Variants in SERP2 observed in about 807,000 individuals in gnomAD.
SERP2 encodes the protein stress-associated endoplasmic reticulum protein 2.
In SERP2, 6 loss-of-function variants were observed where a neutral mutation model predicts 9.1. The ratio of observed to expected loss-of-function variants is 0.66; its 90% CI spans 0.36 to 1.30. The LOEUF (loss-of-function observed/expected upper bound fraction) is 1.30, where lower values mean the gene tolerates loss of function less well. Ranked by LOEUF, SERP2 falls within the 50% of genes most tolerant of loss-of-function variation. SERP2 has a pLI of 0.03. For synonymous variants in SERP2, 37 were observed against 27.3 expected (o/e 1.35, Z -1.10); for missense variants, 58 against 81.9 (o/e 0.71, Z 1.13).
intron 2 of SERP2, chr13:44,395,936 C>T (rs149428408): frequency 4.5e-6 from 2 of 440,816 alleles, no homozygotes; most frequent in African/African-American, 4.0e-5. Context: ...GTGCAGCTGA[C>T]CAGAAGCATT....
At chr13:44,393,260 T>A (rs989746551) in intron 2 of SERP2, among the ~76,000 whole-genome samples, 5 of 152,060 alleles carry the variant, frequency 3.3e-5, no homozygotes, top group Non-Finnish European at 5.9e-5. Flanking sequence ...GAAATGGTTG[T>A]GAAGAGGAAG....
rs565690051 is a variant in SERP2, at chr13:44,390,434, A to C, written c.158-6838A>C. 1.1e-3 allele frequency: 517 copies of C among 456,234 alleles called. 1 individual carries two copies. The highest frequency in any genetic ancestry group is 9.7e-4 in the Non-Finnish European group (221 of 226,860). 28.3% of individuals were successfully genotyped at this position (456,234 alleles called of 1,614,324 possible). On this transcript the variant is annotated intron_variant, in intron 2 of 2. Coordinates refer to ENST00000379179, the MANE Select transcript of SERP2 (RefSeq NM_001010897.3). The stretch of plus-strand genomic sequence containing the variant: ...TGTAACATCCAGAGGGAGTCACCCC[A>C]CCCCCAAGACCGGCAACTGAGATGT...
intron 2 of SERP2, among the ~76,000 whole-genome samples, chr13:44,385,598 G>A (rs949434990): frequency 2.0e-5 from 3 of 152,162 alleles, no homozygotes; most frequent in Admixed American, 2.0e-4. Flanking sequence ...TTAGGCAAGG[G>A]ACTGCTTTGA....
intron 1 of SERP2, among the ~76,000 whole-genome samples, chr13:44,377,714 A>G (rs1220665722): frequency 6.6e-6 from 1 of 152,268 alleles, no homozygotes; most frequent in Non-Finnish European, 1.5e-5. Flanking sequence ...GGAGAGATAC[A>G]GGGATAATCC....
intron 2 of SERP2, among the ~76,000 whole-genome samples, chr13:44,384,085 C>G (rs1401667917): frequency 6.6e-6 from 1 of 151,874 alleles, no homozygotes; most frequent in African/African-American, 2.4e-5. Context: ...TTTTTGCAAG[C>G]CTCAGCTCAA....
chr13:44,379,573 T>C, intron 1 of SERP2, 68 bp from the exon 2 acceptor site: 1 of 1,209,450 alleles, frequency 8.3e-7, no homozygotes, highest in Non-Finnish European at 1.2e-6. Flanking sequence ...GCACAATGCC[T>C]AGTGATACTC....
chr13:44,385,727 G>T (rs996468620), intron 2 of SERP2, among the ~76,000 whole-genome samples: 1 of 152,130 alleles, frequency 6.6e-6, no homozygotes, highest in African/African-American at 2.4e-5. Context: ...CTTGGACAAG[G>T]TATTTACTCT....
chr13:44,378,606 G>A (rs936615757), intron 1 of SERP2, among the ~76,000 whole-genome samples: 1 of 151,656 alleles, frequency 6.6e-6, no homozygotes, highest in Non-Finnish European at 1.5e-5. Context: ...ATTCTTTAAC[G>A]TGTGTTGAAT....
At position 44,373,940 on chromosome 13, in the gene SERP2, G is replaced by T; in HGVS notation, c.-86G>T. The T allele has an allele frequency of 1.6e-6, 2 of 1,281,424 alleles. No homozygotes were observed. Among genetic ancestry groups the T allele is most frequent in the South Asian group, 1.3e-5 (1 of 76,614 alleles). The allele number at this position is 1,281,424 out of a possible 1,614,324, so 79.4% of individuals were successfully genotyped here. On this transcript the variant is annotated 5_prime_UTR_variant, in exon 1 of 3. Coordinates refer to ENST00000379179, the MANE Select transcript of SERP2 (RefSeq NM_001010897.3). This position sits in a 1 kb window ranked among gnomAD's most constrained non-coding sequence, Gnocchi z 4.8. ...TGCAGCGCCCGGGTGGGCCGCGGGG[G>T]CCTCGGCGGGACGCGCTCGGCCCTG...
rs867374107 is a variant in SERP2 at position 44,388,152 on chromosome 13, T to A, written c.157+8439T>A. ...GTGGTTTTTGGTCTTTTTTTTTTTT[T>A]AAGCTGCAGAACTTTGTTCAAATCT... On this transcript the variant is annotated intron_variant, in intron 2 of 2. Coordinates refer to ENST00000379179, the MANE Select transcript of SERP2 (RefSeq NM_001010897.3). Among the ~76,000 whole-genome samples the A allele has an allele frequency of 9.7e-3, 1,364 of 141,276 alleles. 24 individuals carry two copies. The highest frequency in any genetic ancestry group is 0.034 in the African/African-American group (1,288 of 38,020). The allele number at this position is 141,276 out of a possible 152,430, so 92.7% of individuals were successfully genotyped here.
chr13:44,374,163 G>GGGGGGGGGGGC, intron 1 of SERP2, 54 bp downstream of exon 1: 1 of 519,196 alleles, frequency 1.9e-6, no homozygotes, highest in Non-Finnish European at 3.1e-6. Flanking sequence ...GCGGGGTGGG[G>GGGGGGGGGGGC]CGGAAGGTGG....
At chr13:44,390,747 C>CT (rs1872697975) in intron 2 of SERP2, 2 of 160,024 alleles carry the variant, frequency 1.2e-5, no homozygotes, top group African/African-American at 2.4e-5. Context: ...CGGCATCTCT[C>CT]TTTTTTCCCT....
intron 2 of SERP2, among the ~76,000 whole-genome samples, chr13:44,389,930 C>T (rs978754874): frequency 2.0e-5 from 3 of 152,228 alleles, no homozygotes; most frequent in Non-Finnish European, 4.4e-5. Flanking sequence ...CCATTACACT[C>T]ATTTTTCCAA....
intron 2 of SERP2, 41 bp downstream of exon 2, chr13:44,379,754 T>C (rs746019657): frequency 7.1e-7 from 1 of 1,410,316 alleles, no homozygotes; most frequent in Non-Finnish European, 9.8e-7. Context: ...TGTTCTCCAC[T>C]GGCCTTTGAA....
At chr13:44,382,723 T>C (rs913025239) in intron 2 of SERP2, among the ~76,000 whole-genome samples, 5 of 152,162 alleles carry the variant, frequency 3.3e-5, no homozygotes, top group African/African-American at 1.2e-4. Flanking sequence ...CTCTTTCAGG[T>C]TGACTTTGAG....
intron 2 of SERP2, among the ~76,000 whole-genome samples, chr13:44,383,738 T>C (rs1045281440): frequency 6.7e-6 from 1 of 149,278 alleles, no homozygotes; most frequent in Non-Finnish European, 1.5e-5. Context: ...TTTTTAGTAG[T>C]GACGGGGTTT....
At chr13:44,380,491 C>T (rs1438450929) in intron 2 of SERP2, among the ~76,000 whole-genome samples, 1 of 151,990 alleles carries the variant, frequency 6.6e-6, no homozygotes, top group Non-Finnish European at 1.5e-5. Context: ...GCCCCAATGA[C>T]AAGAGAAGCC....
intron 2 of SERP2, among the ~76,000 whole-genome samples, chr13:44,389,109 T>C (rs1872490971): frequency 6.6e-6 from 1 of 152,202 alleles, no homozygotes; most frequent in Non-Finnish European, 1.5e-5. Flanking sequence ...CTTTGTGAAA[T>C]GTTAGGTGCT....
chr13:44,395,806 C>T (rs146176203), intron 2 of SERP2: 25 of 456,942 alleles, frequency 5.5e-5, no homozygotes, highest in Admixed American at 4.7e-4. Flanking sequence ...GCTTAGTCTA[C>T]GGCAACAAAA....
Sources: allele counts gnomAD v4.1 joint callset (sites outside exome capture counted in the v4.1 genomes callset), GRCh38; gene constraint gnomAD v4.1.1; non-coding constraint Gnocchi (gnomAD v3.1); transcripts MANE v1.5; gene names NCBI Gene and HGNC (gene_info 2026-07-23, HGNC 2026-07-21).